Variants in PRX observed in about 807,000 individuals in gnomAD.
PRX encodes the protein periaxin.
Under a neutral mutation model 29.6 loss-of-function variants are expected in PRX, and 24 were observed. The observed-to-expected ratio is 0.81, with a 90% CI of 0.59 to 1.14. PRX has a LOEUF of 1.14. PRX is among the 50% of genes most tolerant of loss of function. PRX has a pLI of 0.00. For synonymous variants in PRX, 772 were observed against 831.7 expected (o/e 0.93, Z 1.24); for missense variants, 1,838 against 1,926.4 (o/e 0.95, Z 0.86).
At position 40,409,766 on chromosome 19, in the gene PRX, C is replaced by G. The variant is rs150392869; in HGVS notation, c.-242-1383G>C. 3.9e-3 allele frequency among the ~76,000 whole-genome samples: 590 copies of G among 152,292 alleles called. 6 individuals carry two copies. The highest frequency in any genetic ancestry group is 0.014 in the African/African-American group (566 of 41,558). ...GGATTACAGGCATGAGCCACTGCACCTGTCAGGCCATTATTATTACTAAGA... is the reference window on the plus strand; with the variant it reads ...GGATTACAGGCATGAGCCACTGCACGTGTCAGGCCATTATTATTACTAAGA... On this transcript the variant is annotated intron_variant, in intron 1 of 6. Coordinates refer to ENST00000324001, the MANE Select transcript of PRX (RefSeq NM_181882.3).
intron 4 of PRX, among the ~76,000 whole-genome samples, chr19:40,404,527 A>G (rs2079519633): frequency 6.6e-6 from 1 of 151,882 alleles, no homozygotes; most frequent in South Asian, 2.1e-4. Flanking sequence ...GAATGTGGCC[A>G]GAGTTTATGG....
intron 1 of PRX, among the ~76,000 whole-genome samples, chr19:40,408,637 AT>A (rs1274244595): frequency 2.0e-5 from 3 of 152,286 alleles, no homozygotes; most frequent in Middle Eastern, 3.4e-3. Context: ...TCACTAAAAA[AT>A]AATTGCTATT....
chr19:40,396,975 G>T lies in PRX; in HGVS notation c.1377C>A (p.Ala459=). The change falls in exon 7 of 7, where the codon GCC becomes GCA. Residue 459 remains alanine, a synonymous_variant. Transcript: ENST00000324001. ...EVKLPKVPEA[A]LPEVRLPEVE... ...CCTCTGGGAGTCGAACCTCTGGAAGGGCTGCCTCGGGCACTTTTGGAAGCT... is the reference window on the plus strand; with the variant it reads ...CCTCTGGGAGTCGAACCTCTGGAAGTGCTGCCTCGGGCACTTTTGGAAGCT... 6.2e-7 allele frequency: 1 copy of T among 1,614,058 alleles called. No homozygotes were observed. Among genetic ancestry groups the T allele is most frequent in the Non-Finnish European group, 8.5e-7 (1 of 1,180,002 alleles).
At position 40,397,620 on chromosome 19, in the gene PRX, C is replaced by T. The variant is rs769735682; in HGVS notation, c.732G>A (p.Ala244=). The change falls in exon 7 of 7, where the codon GCG becomes GCA. Residue 244 remains alanine, a synonymous_variant. Transcript: ENST00000324001. ...CTGAGACCTGGGGGACACCCACCTC[C>T]GCCCCTGGCAGCCGCGGCCCAACCA... The part of the protein sequence containing the change: ...VELVGPRLPG[A]EVGVPQVSAP... 30 of 1,541,540 alleles carry T rather than the reference C, an allele frequency of 1.9e-5. No individual in the cohort carries two copies. Among genetic ancestry groups the T allele is most frequent in the East Asian group, 1.2e-4 (5 of 41,346 alleles).
upstream of PRX, among the ~76,000 whole-genome samples, chr19:40,414,234 C>T (rs1312423273): frequency 2.0e-5 from 3 of 152,090 alleles, no homozygotes; most frequent in South Asian, 2.1e-4. Flanking sequence ...GCAATCCTCC[C>T]GACTGAGCCC....
Position 40,398,238 on chromosome 19 carries a change from C to T in PRX, c.382-268G>A. ...CCTGATCCGGGATTTTCCCCAACAT[C>T]CTCATTCTAGAGATGGGGAAACTGA... On this transcript the variant is annotated intron_variant, in intron 6 of 6. Transcript: ENST00000324001. The surrounding 1 kb of genome is among the most constrained non-coding windows in gnomAD (Gnocchi z 6.3). 1 of 1,415,482 alleles carries T rather than the reference C, an allele frequency of 7.1e-7. No homozygotes were observed. The highest frequency in any genetic ancestry group is 2.6e-5 in the East Asian group (1 of 38,970). The allele number at this position is 1,415,482 out of a possible 1,614,324, so 87.7% of individuals were successfully genotyped here. A position where few individuals can be genotyped will look rare whatever the true frequency, so the allele number is the denominator to read the frequency against.
chr19:40,398,482 G>C lies in PRX; in HGVS notation c.381+138C>G. On this transcript the variant is annotated intron_variant, in intron 6 of 6. Transcript: ENST00000324001. The surrounding 1 kb of genome is among the most constrained non-coding windows in gnomAD (Gnocchi z 6.3). ...GAAGAGTTTGGGGCAGAGAGGAAGG[G>C]GCAGAGGGTGGAATTAGCTTGGGTT... 6.5e-7 allele frequency: 1 copy of C among 1,546,044 alleles called. No homozygotes were observed. The highest frequency in any genetic ancestry group is 1.2e-5 in the South Asian group (1 of 82,312).
rs956847298 is a variant in PRX at position 40,397,344 on chromosome 19, G to T, written c.1008C>A (p.Asp336Glu). 6.2e-7 allele frequency: 1 copy of T among 1,613,016 alleles called. No individual in the cohort carries two copies. The highest frequency in any genetic ancestry group is 2.2e-5 in the East Asian group (1 of 44,870). Residue 336 changes from aspartate (D) to glutamate (E), a missense_variant, in exon 7 of 7, where the codon GAC (aspartate) becomes GAA (glutamate). By Grantham distance (45) the Asp-to-Glu change is conservative (BLOSUM62 2). Coordinates refer to ENST00000324001, the MANE Select transcript of PRX (RefSeq NM_181882.3). The stretch of plus-strand genomic sequence containing the variant: ...CCACCTCTGCACCCGGCAAGGCCAG[G>T]TCCACCCCCACAGTCGGTGCTGCCA... Reference protein sequence around the residue: ...LDVAAPTVGVDLALPGAEVEA... With the variant: ...LDVAAPTVGVELALPGAEVEA...
chr19:40,408,155 C>T lies in PRX; in HGVS notation c.-100+3G>A. The T allele has an allele frequency of 1.6e-6, 1 of 622,916 alleles. No individual in the cohort carries two copies. The highest frequency in any genetic ancestry group is 2.9e-6 in the Non-Finnish European group (1 of 349,888). The allele number at this position is 622,916 out of a possible 1,614,324, so 38.6% of individuals were successfully genotyped here. On this transcript the variant is annotated splice_donor_region_variant and intron_variant, in intron 3 of 6. Transcript: ENST00000324001. ...AGGGCCCCCACCCCAGCTGTCCTCT[C>T]ACCGCTGCCTGGGTGCAGGCACTTC...
intron 1 of PRX, among the ~76,000 whole-genome samples, chr19:40,412,332 G>C (rs2079562295): frequency 6.6e-6 from 1 of 152,130 alleles, no homozygotes; most frequent in Non-Finnish European, 1.5e-5. Flanking sequence ...GCACTTCCCA[G>C]GTGTGAGGAC....
rs1463637215 is a variant in PRX, at chr19:40,403,765, A to C, written c.125T>G (p.Ile42Ser). 2 of 1,595,608 alleles carry C rather than the reference A, an allele frequency of 1.3e-6. No homozygotes were observed. The highest frequency in any genetic ancestry group is 1.1e-5 in the South Asian group (1 of 88,292). ...INVAGGGKEG[I>S]FVRELREDSP... ...GTCCTCGCGCAGCTCCCGAACGAAG[A>C]TTCCCTCTTTGCCGCCGCCCGCTAC... The change falls in exon 5 of 7, where the codon ATC (isoleucine) becomes AGC (serine). Residue 42 changes from isoleucine (I) to serine (S), a missense_variant. Physicochemically the swap from Ile to Ser is moderately radical, Grantham distance 142 (BLOSUM62 -2). Coordinates refer to ENST00000324001, the MANE Select transcript of PRX (RefSeq NM_181882.3).
At position 40,394,679 on chromosome 19, in the gene PRX, C is replaced by T. The variant is rs140880177; in HGVS notation, c.3673G>A (p.Val1225Met). The T allele has an allele frequency of 5.6e-5, 90 of 1,609,996 alleles. No homozygotes were observed. In the East Asian group the frequency reaches 7.8e-4, roughly 14 times the overall value. ...TVTVPQLELD[V>M]GLSREAQAGE... ...GCCTGTGCCTCTCGGCTTAGCCCCACGTCCAGCTCAAGCTGGGGCACTGTC... is the reference window on the plus strand; with the variant it reads ...GCCTGTGCCTCTCGGCTTAGCCCCATGTCCAGCTCAAGCTGGGGCACTGTC... Residue 1225 changes from valine (V) to methionine (M), a missense_variant, in exon 7 of 7, where the codon GTG becomes ATG. Physicochemically the swap from Val to Met is conservative, Grantham distance 21. This residue lies in a region of PRX where 1,143 missense variants were observed against 1,193.0 expected (regional missense o/e 0.96). Transcript: ENST00000324001. This position sits in a 1 kb window ranked among gnomAD's most constrained non-coding sequence, Gnocchi z 5.8.
Position 40,398,878 on chromosome 19 carries a change from C to T in PRX, c.185-62G>A, listed in dbSNP as rs373644873. 57 of 1,611,188 alleles carry T rather than the reference C, an allele frequency of 3.5e-5. No homozygotes were observed. In the South Asian group the frequency reaches 6.1e-4, roughly 17 times the overall value. Reference sequence around the variant, plus strand: ...CTCCCGGCTCCGCCCGGGCCTAGTTCTGCCCACTTGCACGGAGCCCTCGCG... The same window carrying T: ...CTCCCGGCTCCGCCCGGGCCTAGTTTTGCCCACTTGCACGGAGCCCTCGCG... On this transcript the variant is annotated intron_variant, in intron 5 of 6. Transcript: ENST00000324001. The surrounding 1 kb of genome is among the most constrained non-coding windows in gnomAD (Gnocchi z 6.3).
intron 1 of PRX, among the ~76,000 whole-genome samples, chr19:40,410,074 C>T (rs2079551545): frequency 6.6e-6 from 1 of 152,160 alleles, no homozygotes; most frequent in Non-Finnish European, 1.5e-5. Context: ...TACTTCACCT[C>T]GGAAAACCCC....
In PRX at chr19:40,396,103, A is replaced by T; in HGVS notation, c.2249T>A (p.Val750Glu). The T allele has an allele frequency of 6.2e-7, 1 of 1,614,076 alleles. No homozygotes were observed. Among genetic ancestry groups the T allele is most frequent in the East Asian group, 2.2e-5 (1 of 44,874 alleles). The change falls in exon 7 of 7, where the codon GTG (valine) becomes GAG (glutamate). Residue 750 changes from valine (V) to glutamate (E), a missense_variant. Physicochemically the swap from Val to Glu is moderately radical, Grantham distance 121 (BLOSUM62 -2). Coordinates refer to ENST00000324001, the MANE Select transcript of PRX (RefSeq NM_181882.3). ...VHLPEVQLPKVSEIRLPEMQV... is the reference protein window; with the variant it reads ...VHLPEVQLPKESEIRLPEMQV... ...CATTTCCGGCAGCCGAATCTCTGAC[A>T]CTTTCGGCAGCTGCACCTCGGGGAG...
Position 40,398,799 on chromosome 19 carries a change from C to T in PRX, c.202G>A (p.Ala68Thr), listed in dbSNP as rs2079467416. The change falls in exon 6 of 7, where the codon GCC becomes ACC. Residue 68 changes from alanine to threonine, a missense_variant. By Grantham distance (58) the Ala-to-Thr change is moderately conservative. Coordinates refer to ENST00000324001, the MANE Select transcript of PRX (RefSeq NM_181882.3). The surrounding 1 kb of genome is among the most constrained non-coding windows in gnomAD (Gnocchi z 6.3). ...SLQEGDQLLS[A>T]RVFFENFKYE... ...TTGAAGTTCTCGAAGAACACTCGGG[C>T]ACTCAGCAGCTGGTCCCCTGCGGGC... is the stretch of plus-strand genomic sequence containing the variant. 1.2e-6 allele frequency: 2 copies of T among 1,614,068 alleles called. No individual in the cohort carries two copies. Among genetic ancestry groups the T allele is most frequent in the Non-Finnish European group, 1.7e-6 (2 of 1,179,964 alleles).
Position 40,397,379 on chromosome 19 carries a change from T to G in PRX, c.973A>C (p.Thr325Pro). The change falls in exon 7 of 7, where the codon ACC becomes CCC. Residue 325 changes from threonine (T) to proline (P), a missense_variant. Around this residue, in one of 3 missense-constraint regions of PRX, gnomAD observed 666 missense variants for 665.0 expected, o/e 1.00. Transcript: ENST00000324001. ...ACAGTCGGTGCTGCCACATCCAGGGTGGGCACCACTACCGACACAGCCCCT... is the reference window on the plus strand; with the variant it reads ...ACAGTCGGTGCTGCCACATCCAGGGGGGGCACCACTACCGACACAGCCCCT... ...REGAVSVVVP[T>P]LDVAAPTVGV... 6.2e-7 allele frequency: 1 copy of G among 1,612,658 alleles called. No homozygotes were observed. Among genetic ancestry groups the G allele is most frequent in the Non-Finnish European group, 8.5e-7 (1 of 1,179,840 alleles).
rs117952516 is a variant in PRX, at chr19:40,407,688, G to A, written c.27+218C>T. ...TCCTTTGTGCGCCAGTGATTTCACT[G>A]CCTTGAGTCTTAGCCTGTGCCAGAT... On this transcript the variant is annotated intron_variant, in intron 4 of 6. Coordinates refer to ENST00000324001, the MANE Select transcript of PRX (RefSeq NM_181882.3). 0.015 allele frequency: 9,554 copies of A among 658,496 alleles called. 699 individuals are homozygous for A. The Admixed American group carries it at 0.16, about 11-fold the overall frequency. The allele number at this position is 658,496 out of a possible 1,614,324, so 40.8% of individuals were successfully genotyped here. A position where few individuals can be genotyped will look rare whatever the true frequency, so the allele number is the denominator to read the frequency against.
chr19:40,400,659 G>A (rs1373979678), intron 5 of PRX, among the ~76,000 whole-genome samples: 1 of 147,434 alleles, frequency 6.8e-6, no homozygotes, highest in Non-Finnish European at 1.5e-5. Context: ...GTACACTGGT[G>A]CAATGACAAA....
Sources: allele counts gnomAD v4.1 joint callset (sites outside exome capture counted in the v4.1 genomes callset), GRCh38; gene constraint gnomAD v4.1.1; regional missense constraint gnomAD v4.1.1; non-coding constraint Gnocchi (gnomAD v3.1); transcripts MANE v1.5; gene names NCBI Gene and HGNC (gene_info 2026-07-23, HGNC 2026-07-21).